SCARB1: variants seen among roughly 807,000 people sequenced by gnomAD.
SCARB1 encodes scavenger receptor class B member 1.
A neutral mutation model predicts 57.2 loss-of-function variants in SCARB1; 30 were observed. The observed-to-expected ratio is 0.52, with a 90% CI of 0.39 to 0.71. SCARB1 has a LOEUF of 0.71. SCARB1 is among the 30% of genes least tolerant of loss of function. The probability of loss-of-function intolerance (pLI) is 0.00; values close to 1 mark genes in which losing one functional copy is unlikely to be tolerated. For synonymous variants in SCARB1, 249 were observed against 268.3 expected (o/e 0.93, Z 0.70); for missense variants, 543 against 671.2 (o/e 0.81, Z 2.11).
At chr12:124,799,012 TATACA>T (rs1357875541) in intron 8 of SCARB1, among the ~76,000 whole-genome samples, 3 of 152,282 alleles carry the variant, frequency 2.0e-5, no homozygotes, top group African/African-American at 4.8e-5. Flanking sequence ...TGTATTGTAC[TATACA>T]ATACAACACA....
At chr12:124,819,356 A>G (rs577268770) in intron 1 of SCARB1, among the ~76,000 whole-genome samples, 18 of 152,362 alleles carry the variant, frequency 1.2e-4, no homozygotes, top group Non-Finnish European at 2.4e-4. Flanking sequence ...ATGAGAACAC[A>G]GAAGTTTTCC....
Position 124,814,463 on chromosome 12 carries a change from TG to T in SCARB1, c.427-59del, listed in dbSNP as rs2135675814. ...TGGACGTGGCTGGCCCATCCTCCCT[TG>T]GCCCCAGCTGGGCCTCACAGCAAAG... On this transcript the variant is annotated intron_variant, in intron 3 of 12. Coordinates refer to ENST00000261693, the MANE Select transcript of SCARB1 (RefSeq NM_005505.5). This position sits in a 1 kb window ranked among gnomAD's most constrained non-coding sequence, Gnocchi z 4.7. 1 of 1,554,892 alleles carries T rather than the reference TG, an allele frequency of 6.4e-7. No individual in the cohort carries two copies. The highest frequency in any genetic ancestry group is 2.2e-5 in the East Asian group (1 of 44,590).
chr12:124,839,580 C>T (rs1274170300), intron 1 of SCARB1: 1 of 980,190 alleles, frequency 1.0e-6, no homozygotes, highest in East Asian at 1.1e-4. Flanking sequence ...GGTTGCCCCA[C>T]CATATGGTAA....
Position 124,819,538 on chromosome 12 carries a change from C to T in SCARB1, c.127-1831G>A, listed in dbSNP as rs560956476. ...CGCTGCCCCAGTGTCACAGGGAGGTCCCCCCTAGTCCACCTGACCCCCACC... is the reference window on the plus strand; with the variant it reads ...CGCTGCCCCAGTGTCACAGGGAGGTTCCCCCTAGTCCACCTGACCCCCACC... On this transcript the variant is annotated intron_variant, in intron 1 of 12. Coordinates refer to ENST00000261693, the MANE Select transcript of SCARB1 (RefSeq NM_005505.5). Among the ~76,000 whole-genome samples the T allele has an allele frequency of 6.6e-5, 10 of 150,952 alleles. No individual in the cohort carries two copies. In the East Asian group the frequency reaches 2.1e-3, roughly 32 times the overall value.
intron 12 of SCARB1, among the ~76,000 whole-genome samples, chr12:124,779,807 G>A (rs1873095142): frequency 6.6e-6 from 1 of 152,114 alleles, no homozygotes; most frequent in Admixed American, 6.5e-5. Flanking sequence ...TCACCACGGG[G>A]TAGGAAAATC....
chr12:124,856,293 C>G (rs1016043993), intron 1 of SCARB1, among the ~76,000 whole-genome samples: 1 of 152,248 alleles, frequency 6.6e-6, no homozygotes, highest in Non-Finnish European at 1.5e-5. Flanking sequence ...ACACAGGTGT[C>G]TGCATACACA....
chr12:124,835,157 A>C (rs1307996713), intron 1 of SCARB1, among the ~76,000 whole-genome samples: 1 of 152,188 alleles, frequency 6.6e-6, no homozygotes, highest in African/African-American at 2.4e-5. Flanking sequence ...AATGTGGAAA[A>C]GGGGAAAGTG....
intron 1 of SCARB1, among the ~76,000 whole-genome samples, chr12:124,829,847 C>G (rs1021223086): frequency 4.6e-5 from 7 of 152,242 alleles, no homozygotes; most frequent in African/African-American, 1.7e-4. Context: ...CTTCCTAAAG[C>G]AGCCCTTCCC....
intron 11 of SCARB1, chr12:124,783,332 C>G (rs1282284910): frequency 6.3e-6 from 1 of 157,568 alleles, no homozygotes; most frequent in Non-Finnish European, 1.4e-5. Flanking sequence ...GATCCTCCCA[C>G]CTCAACCTCC....
intron 1 of SCARB1, among the ~76,000 whole-genome samples, chr12:124,826,556 A>G (rs1013393289): frequency 2.0e-5 from 3 of 151,776 alleles, no homozygotes; most frequent in African/African-American, 7.3e-5. Flanking sequence ...CAATCCTCTC[A>G]CCTCAGCCTC....
intron 1 of SCARB1, among the ~76,000 whole-genome samples, chr12:124,847,240 G>A (rs532732898): frequency 6.6e-6 from 1 of 152,362 alleles, no homozygotes; most frequent in African/African-American, 2.4e-5. Context: ...CCAGGAGCCT[G>A]GGAACAGACA....
At chr12:124,834,748 AT>A (rs1320280219) in intron 1 of SCARB1, among the ~76,000 whole-genome samples, 1 of 152,120 alleles carries the variant, frequency 6.6e-6, no homozygotes, top group African/African-American at 2.4e-5. Context: ...CTAGAACAAA[AT>A]TTTTTTACAA....
In SCARB1 at chr12:124,782,665, G is replaced by A. The variant is rs1194229421; in HGVS notation, c.*18C>T. The A allele has an allele frequency of 1.9e-6, 3 of 1,612,826 alleles. No individual in the cohort carries two copies. The Admixed American group carries it at 5.0e-5, about 27-fold the overall frequency. The stretch of plus-strand genomic sequence containing the variant: ...ATGGGAGGGGGCGGGGAGGCGCACG[G>A]CATTACCTGGTACCCACCTACAGTT... On this transcript the variant is annotated intron_variant, in intron 12 of 12. Transcript: ENST00000261693.
intron 1 of SCARB1, among the ~76,000 whole-genome samples, chr12:124,833,810 A>G (rs541811112): frequency 6.6e-6 from 1 of 152,328 alleles, no homozygotes; most frequent in South Asian, 2.1e-4. Context: ...CACGCCCAGG[A>G]TGCTCACACG....
rs570585707 is a variant in SCARB1, at chr12:124,822,318, A to G, written c.127-4611T>C. Among the ~76,000 whole-genome samples the G allele has an allele frequency of 5.9e-5, 9 of 152,310 alleles. No individual in the cohort carries two copies. The South Asian group carries it at 1.4e-3, about 25-fold the overall frequency. On this transcript the variant is annotated intron_variant, in intron 1 of 12. Coordinates refer to ENST00000261693, the MANE Select transcript of SCARB1 (RefSeq NM_005505.5). This position sits in a 1 kb window ranked among gnomAD's most constrained non-coding sequence, Gnocchi z 5.0. ...AAATGAATTGCCACATATCCACACA[A>G]TGGAATGCTACCTGGCAATCAAAAA...
chr12:124,854,227 A>T (rs1218888663), intron 1 of SCARB1, among the ~76,000 whole-genome samples: 2 of 152,184 alleles, frequency 1.3e-5, no homozygotes, highest in African/African-American at 4.8e-5. Context: ...AGCAAGTGAG[A>T]GCTGAACAGA....
At chr12:124,830,260 G>A (rs1000738228) in intron 1 of SCARB1, among the ~76,000 whole-genome samples, 1 of 152,234 alleles carries the variant, frequency 6.6e-6, no homozygotes, top group Admixed American at 6.5e-5. Context: ...AAGTGCATTA[G>A]TGCAGTCACT....
At position 124,800,810 on chromosome 12, in the gene SCARB1, C is replaced by T. The variant is rs947725684; in HGVS notation, c.1010-568G>A. ...CCTGCTACAAATGTGAGCTCAACCT[C>T]GCCACTGACCAACCAAACCAGGCAA... On this transcript the variant is annotated intron_variant, in intron 7 of 12. Transcript: ENST00000261693. This position sits in a 1 kb window ranked among gnomAD's most constrained non-coding sequence, Gnocchi z 4.8. Among the ~76,000 whole-genome samples the T allele has an allele frequency of 6.6e-6, 1 of 152,146 alleles. No homozygotes were observed. Among genetic ancestry groups the T allele is most frequent in the African/African-American group, 2.4e-5 (1 of 41,426 alleles).
At chr12:124,808,398 C>G (rs1950398882) in intron 6 of SCARB1, among the ~76,000 whole-genome samples, 1 of 152,210 alleles carries the variant, frequency 6.6e-6, no homozygotes, top group South Asian at 2.1e-4. Context: ...CATTAGGATT[C>G]ATTGACCTTA....
Sources: allele counts gnomAD v4.1 joint callset (sites outside exome capture counted in the v4.1 genomes callset), GRCh38; gene constraint gnomAD v4.1.1; non-coding constraint Gnocchi (gnomAD v3.1); transcripts MANE v1.5; gene names NCBI Gene and HGNC (gene_info 2026-07-23, HGNC 2026-07-21).